Variants in PRKG1 observed in about 807,000 individuals in gnomAD.
PRKG1 encodes the protein cGMP-dependent protein kinase 1.
Under a neutral mutation model 88.1 loss-of-function variants are expected in PRKG1, and 35 were observed. That is an observed-to-expected ratio of 0.40 (90% CI 0.30 to 0.53). PRKG1 has a LOEUF of 0.53. PRKG1 is among the 20% of genes least tolerant of loss of function. The probability of loss-of-function intolerance (pLI) is 0.59; values close to 1 mark genes in which losing one functional copy is unlikely to be tolerated. For synonymous variants in PRKG1, 303 were observed against 292.5 expected (o/e 1.04, Z -0.37); for missense variants, 540 against 839.8 (o/e 0.64, Z 4.41).
chr10:51,517,930 T>C (rs1364644698), intron 3 of PRKG1, among the ~76,000 whole-genome samples: 1 of 152,228 alleles, frequency 6.6e-6, no homozygotes, highest in African/African-American at 2.4e-5. Flanking sequence ...ATTCTCATGA[T>C]GCAGCCCTAA....
rs1327451684 is a variant in PRKG1 at position 51,511,269 on chromosome 10, G to A, written c.592+43433G>A. 3.3e-5 allele frequency among the ~76,000 whole-genome samples: 5 copies of A among 152,186 alleles called. No homozygotes were observed. The East Asian group carries it at 9.7e-4, about 29-fold the overall frequency. ...TCATCAAATATACACCAAGATTCAGGAATTTATGAAACACCCAGCTAATTC... is the reference window on the plus strand; with the variant it reads ...TCATCAAATATACACCAAGATTCAGAAATTTATGAAACACCCAGCTAATTC... On this transcript the variant is annotated intron_variant, in intron 3 of 17. Transcript: ENST00000373980.
chr10:52,219,724 A>G (rs1489245632), intron 9 of PRKG1, among the ~76,000 whole-genome samples: 1 of 152,232 alleles, frequency 6.6e-6, no homozygotes, highest in African/African-American at 2.4e-5. Context: ...GTGAATTTAC[A>G]TATAAATACT....
chr10:51,790,799 T>A (rs1473152895), intron 3 of PRKG1, among the ~76,000 whole-genome samples: 1 of 152,160 alleles, frequency 6.6e-6, no homozygotes, highest in Admixed American at 6.6e-5. Flanking sequence ...ATCATATAGC[T>A]GTATGCCTCA....
intron 5 of PRKG1, among the ~76,000 whole-genome samples, chr10:52,017,765 A>C (rs554702565): frequency 6.5e-4 from 99 of 152,252 alleles, no homozygotes; most frequent in Non-Finnish European, 1.2e-3. Flanking sequence ...AATACCTAAG[A>C]TGTTTCCCGG....
intron 9 of PRKG1, among the ~76,000 whole-genome samples, chr10:52,178,977 A>C (rs1324225352): frequency 1.3e-5 from 2 of 151,594 alleles, no homozygotes; most frequent in African/African-American, 4.8e-5. Flanking sequence ...ATATTTTTCA[A>C]ATGAGAAATT....
chr10:52,175,567 T>C (rs1683481234), intron 9 of PRKG1, among the ~76,000 whole-genome samples: 2 of 152,000 alleles, frequency 1.3e-5, no homozygotes, highest in Admixed American at 1.3e-4. Flanking sequence ...TCGTGGAACT[T>C]CATACTGTTC....
rs140792777 is a variant in PRKG1 at position 51,751,098 on chromosome 10, C to T, written c.593-53487C>T. Among the ~76,000 whole-genome samples, 141 of 152,282 alleles carry T rather than the reference C, an allele frequency of 9.3e-4. No homozygotes were observed. The East Asian group carries it at 0.012, about 13-fold the overall frequency. On this transcript the variant is annotated intron_variant, in intron 3 of 17. Transcript: ENST00000373980. ...CTTCTCTCCATGTCCTTTTCCCTCCCCAACCTTACTCAGAGTTCAGATTAA... is the reference window on the plus strand; with the variant it reads ...CTTCTCTCCATGTCCTTTTCCCTCCTCAACCTTACTCAGAGTTCAGATTAA...
intron 9 of PRKG1, among the ~76,000 whole-genome samples, chr10:52,189,142 A>G (rs1462665269): frequency 6.6e-6 from 1 of 152,208 alleles, no homozygotes; most frequent in Admixed American, 6.5e-5. Context: ...AAGAAAATTT[A>G]TAGGAATGTC....
At chr10:51,276,499 C>A (rs1840122200) in intron 2 of PRKG1, among the ~76,000 whole-genome samples, 1 of 152,144 alleles carries the variant, frequency 6.6e-6, no homozygotes, top group Non-Finnish European at 1.5e-5. Context: ...ATGGCTGGGT[C>A]AAATGGTATT....
intron 5 of PRKG1, among the ~76,000 whole-genome samples, chr10:52,008,791 C>G (rs1051437195): frequency 6.6e-6 from 1 of 152,090 alleles, no homozygotes; most frequent in African/African-American, 2.4e-5. Context: ...CAGCAAAATA[C>G]TAGCAAAATG....
At chr10:51,178,990 A>G (rs563652835) in intron 2 of PRKG1, among the ~76,000 whole-genome samples, 1 of 152,290 alleles carries the variant, frequency 6.6e-6, no homozygotes, top group African/African-American at 2.4e-5. Flanking sequence ...CCATTTTTAT[A>G]TTGTTGAAAT....
intron 1 of PRKG1, among the ~76,000 whole-genome samples, chr10:51,039,262 G>T (rs1243486666): frequency 5.9e-5 from 9 of 151,874 alleles, no homozygotes; most frequent in African/African-American, 2.2e-4. Context: ...CCTGTTTTTG[G>T]AAAAAAGCCA....
intron 5 of PRKG1, among the ~76,000 whole-genome samples, chr10:52,043,703 A>G (rs573731285): frequency 3.7e-4 from 56 of 152,190 alleles, no homozygotes; most frequent in African/African-American, 1.3e-3. Flanking sequence ...TGTCACCACA[A>G]AGAAATGATA....
At chr10:51,424,500 C>T (rs1838516250) in intron 2 of PRKG1, among the ~76,000 whole-genome samples, 1 of 151,918 alleles carries the variant, frequency 6.6e-6, no homozygotes, top group Admixed American at 6.6e-5. Context: ...GAACTGTTGC[C>T]TAAAATTAAC....
chr10:51,892,762 A>T (rs567812563), intron 4 of PRKG1, among the ~76,000 whole-genome samples: 5 of 152,322 alleles, frequency 3.3e-5, no homozygotes, highest in African/African-American at 1.2e-4. Context: ...CACATTGAAG[A>T]TGTGTGCTGT....
chr10:52,260,867 G>C (rs958066249), intron 10 of PRKG1, among the ~76,000 whole-genome samples: 3 of 152,036 alleles, frequency 2.0e-5, no homozygotes, highest in African/African-American at 7.2e-5. Flanking sequence ...AAAGTAGGTA[G>C]CCTTTTGAAT....
intron 1 of PRKG1, among the ~76,000 whole-genome samples, chr10:51,152,941 T>G (rs145109802): frequency 3.6e-4 from 54 of 150,860 alleles, no homozygotes; most frequent in African/African-American, 1.2e-3. Context: ...ACTTATTCAT[T>G]AAATGATAGA....
At chr10:52,261,620 C>T (rs1022635726) in intron 10 of PRKG1, among the ~76,000 whole-genome samples, 4 of 151,940 alleles carry the variant, frequency 2.6e-5, no homozygotes, top group South Asian at 2.1e-4. Flanking sequence ...CAGGCTGTGA[C>T]GAGTTCCTTT....
At chr10:52,208,104 G>A (rs1227091896) in intron 9 of PRKG1, among the ~76,000 whole-genome samples, 1 of 152,134 alleles carries the variant, frequency 6.6e-6, no homozygotes, top group Non-Finnish European at 1.5e-5. Flanking sequence ...AAGATTTGAA[G>A]CAATCTGTCT....
Sources: gnomAD v4.1 joint callset for allele counts (sites outside exome capture counted in the v4.1 genomes callset) on GRCh38, gnomAD v4.1.1 for gene constraint, MANE v1.5 for transcripts, NCBI Gene and HGNC (gene_info 2026-07-23, HGNC 2026-07-21) for gene names.